The following ITIH5 variants were observed in gnomAD, a reference collection of about 807,000 sequenced individuals.
ITIH5 encodes inter-alpha-trypsin inhibitor heavy chain 5.
In ITIH5, 65 loss-of-function variants were observed where a neutral mutation model predicts 77.5. That is an observed-to-expected ratio of 0.84 (90% confidence interval 0.69 to 1.03). The LOEUF (loss-of-function observed/expected upper bound fraction) is 1.03. Among genes scored for constraint, ITIH5 ranks in the 50% least tolerant of loss-of-function variants. ITIH5 has a pLI of 0.00. For missense variants in ITIH5, 1,208 were observed against 1,213.1 expected, an observed-to-expected ratio of 1.00 and a Z score of 0.06; for synonymous variants, 525 against 494.3, an observed-to-expected ratio of 1.06 and a Z score of -0.82.
At chr10:7,636,318 A>T (rs1028148814) in intron 5 of ITIH5, among the ~76,000 whole-genome samples, 1 of 152,238 alleles carries the variant, frequency 6.6e-6, no homozygotes, top group African/African-American at 2.4e-5. Flanking sequence ...AGATGCCTGT[A>T]TCTTACATCT....
intron 1 of ITIH5, among the ~76,000 whole-genome samples, chr10:7,664,392 T>C (rs1834327247): frequency 7.5e-6 from 1 of 134,190 alleles, no homozygotes; most frequent in Non-Finnish European, 1.6e-5. Flanking sequence ...ACAGCGAGAT[T>C]CCGTCTCAAA....
At chr10:7,637,703 G>A (rs7908545) in intron 4 of ITIH5, among the ~76,000 whole-genome samples, 1 of 152,222 alleles carries the variant, frequency 6.6e-6, no homozygotes, top group Non-Finnish European at 1.5e-5. Context: ...CCGACCAGGA[G>A]AGGATTCTAA....
Position 7,569,733 on chromosome 10 carries a change from A to ACTATCTCAT in ITIH5, c.2083_2084insATGAGATAG (p.Thr694_Val695insAspGluIle). The ACTATCTCAT allele has an allele frequency of 6.2e-7, 1 of 1,613,318 alleles. No individual in the cohort carries two copies. The highest frequency in any genetic ancestry group is 8.5e-7 in the Non-Finnish European group (1 of 1,179,718). On this transcript the variant is annotated inframe_insertion, in exon 12 of 14. Transcript: ENST00000397146. The stretch of plus-strand genomic sequence containing the variant: ...GGGCTGCCCATCAATGTTGAAGCAC[A>ACTATCTCAT]CGGTGAGTCTGCTCAGGGGGAAATC...
At chr10:7,609,916 A>G (rs1248609717) in intron 7 of ITIH5, among the ~76,000 whole-genome samples, 1 of 152,134 alleles carries the variant, frequency 6.6e-6, no homozygotes, top group Non-Finnish European at 1.5e-5. Flanking sequence ...GAAAGTGGAC[A>G]CCATGGTCAA....
intron 13 of ITIH5, 103 bp downstream of exon 13, chr10:7,565,927 A>G: frequency 6.8e-7 from 1 of 1,467,814 alleles, no homozygotes; most frequent in Non-Finnish European, 9.1e-7. Flanking sequence ...CCACATTCCT[A>G]TTGAATTTCT....
chr10:7,602,703 T>G (rs2131009416), intron 7 of ITIH5, among the ~76,000 whole-genome samples: 1 of 152,352 alleles, frequency 6.6e-6, no homozygotes, highest in East Asian at 1.9e-4. Flanking sequence ...CATAGCAGTG[T>G]GAGAACAAAC....
rs146021802 is a variant in ITIH5, at chr10:7,627,153, G to A, written c.653-9871C>T. Among the ~76,000 whole-genome samples the A allele has an allele frequency of 3.2e-4, 49 of 152,166 alleles. No individual in the cohort carries two copies. In the Middle Eastern group the frequency reaches 0.01, roughly 32 times the overall value. On this transcript the variant is annotated intron_variant, in intron 5 of 13. Transcript: ENST00000397146. Reference sequence around the variant, plus strand: ...TTTCAAAAACGGGGTGGTGGGCAAGGGGAGGGAAAGCATTAGGACAAAAGC... The same window carrying A: ...TTTCAAAAACGGGGTGGTGGGCAAGAGGAGGGAAAGCATTAGGACAAAAGC...
rs1449103236 is a variant in ITIH5 at position 7,573,690 on chromosome 10, A to AG, written c.1979-496dup. Among the ~76,000 whole-genome samples, 111 of 150,182 alleles carry AG rather than the reference A, an allele frequency of 7.4e-4. 1 individual carries two copies. Among genetic ancestry groups the AG allele is most frequent in the Admixed American group, 4.0e-3 (60 of 15,024 alleles). On this transcript the variant is annotated intron_variant, in intron 10 of 13. Coordinates refer to ENST00000397146, the MANE Select transcript of ITIH5 (RefSeq NM_030569.7). ...GACTGTCTCAAAAAAAAAAAAAAAAAGGAAAAAAAAGAATAGAATAGAAAC... is the reference window on the plus strand; with the variant it reads ...GACTGTCTCAAAAAAAAAAAAAAAAAGGGAAAAAAAAGAATAGAATAGAAAC...
rs11255269 is a variant in ITIH5, at chr10:7,657,063, T to A, written c.91-1388A>T. 6.1e-3 allele frequency among the ~76,000 whole-genome samples: 774 copies of A among 126,154 alleles called. 5 individuals are homozygous for A. The highest frequency in any genetic ancestry group is 0.017 in the Middle Eastern group (3 of 178). 82.8% of individuals were successfully genotyped at this position (126,154 alleles called of 152,430 possible). ...GGCCTTTTTTTTTTTTTTTTTTTTT[T>A]AGACGGAGTCTTGTTCTGTTGCCCA... On this transcript the variant is annotated intron_variant, in intron 1 of 13. Coordinates refer to ENST00000397146, the MANE Select transcript of ITIH5 (RefSeq NM_030569.7).
At position 7,628,819 on chromosome 10, in the gene ITIH5, A is replaced by ATGTTGTAGCGTGTGTCCC. The variant is rs1225785119; in HGVS notation, c.652+8391_652+8408dup. 4.0e-4 allele frequency among the ~76,000 whole-genome samples: 43 copies of ATGTTGTAGCGTGTGTCCC among 106,360 alleles called. 1 individual carries two copies. The highest frequency in any genetic ancestry group is 1.6e-3 in the African/African-American group (42 of 25,464). The allele number at this position is 106,360 out of a possible 152,430, so 69.8% of individuals were successfully genotyped here. ...TGTATCTGTGTTTTTGCATGTGTCC[A>ATGTTGTAGCGTGTGTCCC]TGTTGTAGCGTGTGTCCCTGTTGTA... On this transcript the variant is annotated intron_variant, in intron 5 of 13. Transcript: ENST00000397146.
rs1777256739 is a variant in ITIH5, at chr10:7,637,246, C to T, written c.634G>A (p.Gly212Ser). 1 of 1,609,410 alleles carries T rather than the reference C, an allele frequency of 6.2e-7. No individual in the cohort carries two copies. Among genetic ancestry groups the T allele is most frequent in the South Asian group, 1.1e-5 (1 of 91,058 alleles). The change falls in exon 5 of 14, where the codon GGC (glycine) becomes AGC (serine). Residue 212 changes from glycine to serine, a missense_variant. Gly to Ser is a moderately conservative substitution (Grantham distance 56). Transcript: ENST00000397146. Reference sequence around the variant, plus strand: ...GACTCACCTTCCCCGCGCCCACTGCCCCTCTGCCTGCTGTTGTGAAGCGGC... The same window carrying T: ...GACTCACCTTCCCCGCGCCCACTGCTCCTCTGCCTGCTGTTGTGAAGCGGC... ...VLPLHNSRQR[G>S]SGRGEDDSGP...
intron 2 of ITIH5, among the ~76,000 whole-genome samples, chr10:7,645,835 A>T (rs1456748390): frequency 2.0e-5 from 3 of 152,234 alleles, no homozygotes; most frequent in Admixed American, 6.5e-5. Context: ...AAAACATTTC[A>T]TACATTTCAG....
At chr10:7,664,029 C>T (rs1404508484) in intron 1 of ITIH5, among the ~76,000 whole-genome samples, 1 of 152,182 alleles carries the variant, frequency 6.6e-6, no homozygotes, top group Non-Finnish European at 1.5e-5. Flanking sequence ...ACAGATAAGT[C>T]TGTAGCAGAC....
At chr10:7,598,026 T>C (rs1292450443) in intron 7 of ITIH5, among the ~76,000 whole-genome samples, 1 of 152,064 alleles carries the variant, frequency 6.6e-6, no homozygotes, top group Admixed American at 6.6e-5. Context: ...TAGCAACAGA[T>C]TGGCTCCCAA....
intron 1 of ITIH5, among the ~76,000 whole-genome samples, chr10:7,658,660 G>C (rs1422982869): frequency 6.6e-6 from 1 of 152,170 alleles, no homozygotes; most frequent in Non-Finnish European, 1.5e-5. Flanking sequence ...AGGACATCTC[G>C]AAGGTGGTGG....
chr10:7,598,340 G>A (rs1377355357), intron 7 of ITIH5, among the ~76,000 whole-genome samples: 1 of 152,150 alleles, frequency 6.6e-6, no homozygotes, highest in African/African-American at 2.4e-5. Context: ...ATATTTTTTG[G>A]AGAAATGGCA....
intron 13 of ITIH5, among the ~76,000 whole-genome samples, chr10:7,563,834 C>G (rs1390839187): frequency 2.0e-5 from 3 of 152,240 alleles, no homozygotes; most frequent in African/African-American, 7.2e-5. Context: ...CCTCAGGACT[C>G]TCCTGGTCAG....
chr10:7,577,776 CA>C (rs2130959452), intron 9 of ITIH5, among the ~76,000 whole-genome samples: 1 of 152,330 alleles, frequency 6.6e-6, no homozygotes, highest in Admixed American at 6.5e-5. Flanking sequence ...TGTCTTGGGA[CA>C]TGTGACTTAA....
intron 1 of ITIH5, among the ~76,000 whole-genome samples, chr10:7,659,125 C>G (rs1215841437): frequency 6.6e-6 from 1 of 152,020 alleles, no homozygotes; most frequent in Non-Finnish European, 1.5e-5. Flanking sequence ...GCCTGTAATC[C>G]CAGCACTCCG....
Sources: gnomAD v4.1 joint callset for allele counts (sites outside exome capture counted in the v4.1 genomes callset) on GRCh38, gnomAD v4.1.1 for gene constraint, MANE v1.5 for transcripts, NCBI Gene and HGNC (gene_info 2026-07-23, HGNC 2026-07-21) for gene names.